DNAH3: variants seen among roughly 807,000 people sequenced by gnomAD.
DNAH3 encodes dynein axonemal heavy chain 3.
In DNAH3, 332 loss-of-function variants were observed where a neutral mutation model predicts 432.5. The observed-to-expected ratio is 0.77, with a 90% confidence interval of 0.70 to 0.84. The LOEUF is 0.84. DNAH3 is among the 40% of genes least tolerant of loss of function. The probability of loss-of-function intolerance (pLI) is 0.00; values close to 1 mark genes in which losing one functional copy is unlikely to be tolerated. For missense variants in DNAH3, 4,861 were observed against 5,114.0 expected, an observed-to-expected ratio of 0.95 and a Z score of 1.51; for synonymous variants, 1,956 against 1,900.2, an observed-to-expected ratio of 1.03 and a Z score of -0.76.
At position 20,961,872 on chromosome 16, in the gene DNAH3, C is replaced by T. The variant is rs1005640828; in HGVS notation, c.10600+1412G>A. Among the ~76,000 whole-genome samples the T allele has an allele frequency of 3.4e-5, 5 of 148,732 alleles. 1 individual carries two copies. In the South Asian group the frequency reaches 8.7e-4, roughly 26 times the overall value. On this transcript the variant is annotated intron_variant, in intron 53 of 61. Coordinates refer to ENST00000261383, the Ensembl canonical transcript of DNAH3. ...CCGCCTCCCAAGTTCAAGCAATTCTCCTGCCTCAGCCTCCCGAGTAGCTCA... is the reference window on the plus strand; with the variant it reads ...CCGCCTCCCAAGTTCAAGCAATTCTTCTGCCTCAGCCTCCCGAGTAGCTCA...
chr16:21,015,193 C>T (rs947269423), intron 41 of DNAH3, among the ~76,000 whole-genome samples: 2 of 152,108 alleles, frequency 1.3e-5, no homozygotes, highest in African/African-American at 4.8e-5. Flanking sequence ...CATGGATAAA[C>T]ATACATACAA....
intron 44 of DNAH3, among the ~76,000 whole-genome samples, chr16:20,989,033 C>T (rs1597072828): frequency 6.6e-6 from 1 of 152,200 alleles, no homozygotes; most frequent in Non-Finnish European, 1.5e-5. Flanking sequence ...TGTGGACCCA[C>T]AGAGTGAGCA....
intron 41 of DNAH3, among the ~76,000 whole-genome samples, chr16:21,015,115 T>C (rs1481702664): frequency 6.6e-6 from 1 of 152,210 alleles, no homozygotes; most frequent in Non-Finnish European, 1.5e-5. Context: ...AAAAGGCCTT[T>C]ACATAAATGT....
exon 14 of DNAH3, chr16:21,111,706 A>C: frequency 6.2e-7 from 1 of 1,614,128 alleles, no homozygotes; most frequent in Non-Finnish European, 8.5e-7. Flanking sequence ...CACAGAGATC[A>C]TGATTTAGGG....
chr16:21,117,094 T>G, intron 12 of DNAH3, 109 bp downstream of exon 12: 1 of 688,520 alleles, frequency 1.5e-6, no homozygotes, highest in Non-Finnish European at 2.5e-6. Context: ...ATTCTTACTA[T>G]GTATGTGTTC....
At chr16:21,152,457 G>A (rs1226154268) in intron 1 of DNAH3, among the ~76,000 whole-genome samples, 2 of 152,342 alleles carry the variant, frequency 1.3e-5, no homozygotes, top group African/African-American at 4.8e-5. Flanking sequence ...GCCCTCGCTC[G>A]CTCTCGGCGC....
chr16:21,099,286 ATGGATGAATGGATGGATGGT>A (rs2091776031), intron 16 of DNAH3, among the ~76,000 whole-genome samples: 3 of 152,116 alleles, frequency 2.0e-5, no homozygotes, highest in Non-Finnish European at 4.4e-5. Flanking sequence ...AGATGGATGG[ATGGATGAATGGATGGATGGT>A]TGGATGAATG....
chr16:20,943,522 C>A (rs945059650), intron 58 of DNAH3, among the ~76,000 whole-genome samples: 7 of 152,118 alleles, frequency 4.6e-5, no homozygotes, highest in African/African-American at 1.7e-4. Flanking sequence ...CTGCACCTGG[C>A]CTCTTTTCCA....
intron 34 of DNAH3, 115 bp downstream of exon 34, chr16:21,037,646 G>T: frequency 1.2e-6 from 1 of 831,482 alleles, no homozygotes; most frequent in Non-Finnish European, 1.9e-6. Context: ...AGGTGGCAGA[G>T]ATGCTGGCCA....
At chr16:21,139,498 A>T (rs2092690561) in intron 5 of DNAH3, among the ~76,000 whole-genome samples, 1 of 150,804 alleles carries the variant, frequency 6.6e-6, no homozygotes. Context: ...TTTTTTTGAG[A>T]CAAGGTCTCA....
At chr16:21,042,777 C>T (rs2089505560) in intron 31 of DNAH3, among the ~76,000 whole-genome samples, 2 of 152,146 alleles carry the variant, frequency 1.3e-5, no homozygotes, top group South Asian at 2.1e-4. Flanking sequence ...CCCACTAACT[C>T]GTCATCTAGC....
intron 18 of DNAH3, among the ~76,000 whole-genome samples, chr16:21,095,585 T>C (rs2152789054): frequency 6.6e-6 from 1 of 152,292 alleles, no homozygotes; most frequent in East Asian, 1.9e-4. Context: ...AAGAAATTTA[T>C]TGAGTTGATG....
chr16:21,086,807 C>A (rs1356700534), intron 19 of DNAH3, 42 bp downstream of exon 19: 3 of 1,574,118 alleles, frequency 1.9e-6, no homozygotes, highest in Non-Finnish European at 1.7e-6. Flanking sequence ...AGGGCCAGGC[C>A]TGGGCTGCGC....
intron 43 of DNAH3, among the ~76,000 whole-genome samples, chr16:20,998,806 A>G (rs2086885967): frequency 6.6e-6 from 1 of 151,574 alleles, no homozygotes; most frequent in South Asian, 2.1e-4. Context: ...CAATTGTTTG[A>G]ATGCCCAGTT....
intron 44 of DNAH3, among the ~76,000 whole-genome samples, chr16:20,994,425 C>G (rs1229731918): frequency 6.6e-6 from 1 of 152,114 alleles, no homozygotes; most frequent in Non-Finnish European, 1.5e-5. Context: ...GAGCGAGACT[C>G]TGTCTCAAAA....
intron 59 of DNAH3, among the ~76,000 whole-genome samples, chr16:20,941,124 T>A (rs2083790961): frequency 6.6e-6 from 1 of 151,812 alleles, no homozygotes; most frequent in Admixed American, 6.6e-5. Flanking sequence ...AAAGTGGCTC[T>A]AATGACTACT....
intron 7 of DNAH3, among the ~76,000 whole-genome samples, chr16:21,132,332 A>G (rs1363492403): frequency 1.3e-5 from 2 of 152,226 alleles, no homozygotes; most frequent in Non-Finnish European, 2.9e-5. Flanking sequence ...TTAAGTAAGC[A>G]TATCTGCCTC....
intron 52 of DNAH3, among the ~76,000 whole-genome samples, chr16:20,967,029 T>C (rs2085095706): frequency 6.6e-6 from 1 of 152,210 alleles, no homozygotes; most frequent in South Asian, 2.1e-4. Context: ...TTTTGGCCCA[T>C]GGTACTTGCC....
intron 44 of DNAH3, among the ~76,000 whole-genome samples, chr16:20,989,876 C>T (rs2086459170): frequency 6.6e-6 from 1 of 152,224 alleles, no homozygotes; most frequent in Admixed American, 6.5e-5. Context: ...TCCGCAGCCG[C>T]TGGCCGGGTG....
Sources: allele counts gnomAD v4.1 joint callset (sites outside exome capture counted in the v4.1 genomes callset), GRCh38; gene constraint gnomAD v4.1.1; transcripts MANE v1.5; gene names NCBI Gene and HGNC (gene_info 2026-07-23, HGNC 2026-07-21).